Variants in TMPRSS11D observed in about 807,000 individuals in gnomAD.
TMPRSS11D encodes the protein transmembrane protease serine 11D.
In TMPRSS11D, 32 loss-of-function variants were observed where a neutral mutation model predicts 44.4. That is an observed-to-expected ratio of 0.72 (90% CI 0.54 to 0.97). The LOEUF (loss-of-function observed/expected upper bound fraction) is 0.97, where lower values mean the gene tolerates loss of function less well. Ranked by LOEUF, TMPRSS11D falls within the 50% of genes least tolerant of loss-of-function variation. The pLI is 0.00. For missense variants in TMPRSS11D, 446 were observed against 502.6 expected (o/e 0.89, Z 1.08); for synonymous variants, 179 against 177.9 (o/e 1.01, Z -0.05).
chr4:67,859,478 A>G, intron 2 of TMPRSS11D, 79 bp downstream of exon 2: 1 of 1,499,418 alleles, frequency 6.7e-7, no homozygotes. Context: ...AGCCATAGTA[A>G]AAGAAAGAAT....
intron 1 of TMPRSS11D, among the ~76,000 whole-genome samples, chr4:67,860,619 C>T (rs1454767594): frequency 6.6e-6 from 1 of 151,994 alleles, no homozygotes; most frequent in Non-Finnish European, 1.5e-5. Context: ...TAACACTTTG[C>T]AGAATGCTTG....
chr4:67,851,096 T>C (rs925333052), intron 3 of TMPRSS11D, among the ~76,000 whole-genome samples: 1 of 152,188 alleles, frequency 6.6e-6, no homozygotes, highest in Non-Finnish European at 1.5e-5. Context: ...ACTTTGGAAA[T>C]GTACCGAAGC....
At chr4:67,859,798 A>G in intron 1 of TMPRSS11D, 120 bp from the exon 2 acceptor site, 1 of 1,336,306 alleles carries the variant, frequency 7.5e-7, no homozygotes, top group South Asian at 1.6e-5. Context: ...CTCTAGCCAT[A>G]GAAACATATT....
intron 3 of TMPRSS11D, among the ~76,000 whole-genome samples, chr4:67,849,772 A>G (rs1167934699): frequency 1.3e-5 from 2 of 152,176 alleles, no homozygotes; most frequent in African/African-American, 4.8e-5. Context: ...TGTCTATGGG[A>G]TAGAGATAAC....
intron 1 of TMPRSS11D, among the ~76,000 whole-genome samples, chr4:67,868,308 G>A (rs1164549549): frequency 6.6e-6 from 1 of 152,046 alleles, no homozygotes; most frequent in Non-Finnish European, 1.5e-5. Context: ...GAGTGGGAGG[G>A]GAAAGAAGGA....
intron 1 of TMPRSS11D, among the ~76,000 whole-genome samples, chr4:67,863,606 A>C (rs576855063): frequency 5.3e-5 from 8 of 152,194 alleles, no homozygotes; most frequent in Non-Finnish European, 7.4e-5. Flanking sequence ...ATCATAAAAC[A>C]CTTCTAAGGG....
intron 1 of TMPRSS11D, among the ~76,000 whole-genome samples, chr4:67,866,190 A>G (rs1718921410): frequency 6.6e-6 from 1 of 152,108 alleles, no homozygotes; most frequent in Non-Finnish European, 1.5e-5. Flanking sequence ...AGTATGATTC[A>G]ACATACACAA....
chr4:67,856,405 T>C (rs1009330224), intron 2 of TMPRSS11D, among the ~76,000 whole-genome samples: 7 of 152,122 alleles, frequency 4.6e-5, no homozygotes, highest in African/African-American at 1.7e-4. Flanking sequence ...CAATAAATAG[T>C]ACTAGGAAAA....
chr4:67,857,777 G>A lies in TMPRSS11D; in HGVS notation c.130+1780C>T, dbSNP rs189716695. 2.2e-3 allele frequency among the ~76,000 whole-genome samples: 334 copies of A among 152,032 alleles called. No homozygotes were observed. In the Middle Eastern group the frequency reaches 0.031, roughly 14 times the overall value. On this transcript the variant is annotated intron_variant, in intron 2 of 9. Coordinates refer to ENST00000283916, the MANE Select transcript of TMPRSS11D (RefSeq NM_004262.3). ...GATATAAACATATAGTTAGATAAAT[G>A]GTATAAGTTTTATTGTTTAATAGCA...
At chr4:67,843,784 G>A (rs1416692971) in intron 3 of TMPRSS11D, among the ~76,000 whole-genome samples, 11 of 152,256 alleles carry the variant, frequency 7.2e-5, no homozygotes, top group African/African-American at 1.2e-4. Context: ...TTAGCTAGGC[G>A]TGGTGGCAAG....
intron 1 of TMPRSS11D, among the ~76,000 whole-genome samples, chr4:67,883,125 A>AGCT (rs1405758410): frequency 6.6e-6 from 1 of 152,062 alleles, no homozygotes; most frequent in Non-Finnish European, 1.5e-5. Flanking sequence ...AAATAAATTC[A>AGCT]GCTGCACTTA....
intron 9 of TMPRSS11D, among the ~76,000 whole-genome samples, chr4:67,824,305 G>A (rs926478436): frequency 2.0e-5 from 3 of 152,036 alleles, no homozygotes; most frequent in Middle Eastern, 3.4e-3. Flanking sequence ...GGTAAGGGAC[G>A]TTATAAATGG....
At chr4:67,871,183 C>T (rs1719055075) in intron 1 of TMPRSS11D, among the ~76,000 whole-genome samples, 1 of 152,112 alleles carries the variant, frequency 6.6e-6, no homozygotes, top group African/African-American at 2.4e-5. Flanking sequence ...ATTCATTAGT[C>T]AAGCTAATTT....
chr4:67,851,590 C>T (rs570164820), intron 3 of TMPRSS11D, among the ~76,000 whole-genome samples: 13 of 152,146 alleles, frequency 8.5e-5, no homozygotes, highest in Non-Finnish European at 1.9e-4. Context: ...AGGGATTGTT[C>T]ATCTTGTATC....
chr4:67,840,226 T>C (rs79009465), intron 4 of TMPRSS11D, among the ~76,000 whole-genome samples: 4,306 of 152,164 alleles, frequency 0.028, 205 homozygotes, highest in African/African-American at 0.097. Flanking sequence ...AAAGAGGTCC[T>C]GCATGGCTGC....
intron 3 of TMPRSS11D, among the ~76,000 whole-genome samples, chr4:67,853,601 G>T (rs1213425260): frequency 1.3e-5 from 2 of 152,168 alleles, no homozygotes; most frequent in African/African-American, 4.8e-5. Context: ...GCTCAAACTT[G>T]CTTTGCATAT....
chr4:67,852,691 T>C (rs1718537152), intron 3 of TMPRSS11D, among the ~76,000 whole-genome samples: 2 of 152,186 alleles, frequency 1.3e-5, no homozygotes, highest in Admixed American at 1.3e-4. Context: ...TGAATCAGAA[T>C]GATTTGGGAA....
At chr4:67,839,271 G>A (rs1718175879) in intron 4 of TMPRSS11D, among the ~76,000 whole-genome samples, 1 of 152,058 alleles carries the variant, frequency 6.6e-6, no homozygotes, top group Non-Finnish European at 1.5e-5. Flanking sequence ...GTTGCCATAT[G>A]GGTCTTGCAG....
intron 4 of TMPRSS11D, among the ~76,000 whole-genome samples, chr4:67,840,420 G>C (rs1327901400): frequency 6.6e-6 from 1 of 151,992 alleles, no homozygotes; most frequent in Non-Finnish European, 1.5e-5. Flanking sequence ...GATTTTAGTG[G>C]GGGCACAGCC....
Sources: gnomAD v4.1 joint callset for allele counts (sites outside exome capture counted in the v4.1 genomes callset) on GRCh38, gnomAD v4.1.1 for gene constraint, MANE v1.5 for transcripts, NCBI Gene and HGNC (gene_info 2026-07-23, HGNC 2026-07-21) for gene names.